Variants in ANKRD10 observed in about 807,000 individuals in gnomAD.
The protein encoded by ANKRD10 is ankyrin repeat domain 10.
A neutral mutation model predicts 27.0 loss-of-function variants in ANKRD10; 14 were observed. The ratio of observed to expected loss-of-function variants is 0.52; its 90% CI spans 0.34 to 0.81. The LOEUF is 0.81. Among genes scored for constraint, ANKRD10 ranks in the 40% least tolerant of loss-of-function variants. The pLI is 0.01. For missense variants in ANKRD10, 493 were observed against 544.0 expected, an observed-to-expected ratio of 0.91 and a Z score of 0.93; for synonymous variants, 250 against 224.5, an observed-to-expected ratio of 1.11 and a Z score of -1.01.
chr13:110,887,083 T>C (rs1388549385), intron 4 of ANKRD10, among the ~76,000 whole-genome samples: 5 of 152,124 alleles, frequency 3.3e-5, no homozygotes, highest in Non-Finnish European at 7.4e-5. Flanking sequence ...AAGTGAGAAC[T>C]AGAGCCAGTA....
intron 5 of ANKRD10, among the ~76,000 whole-genome samples, chr13:110,881,372 G>C (rs1566444400): frequency 6.6e-6 from 1 of 152,226 alleles, no homozygotes; most frequent in Non-Finnish European, 1.5e-5. Context: ...CTCTGACAGA[G>C]GCTTCTGATA....
At chr13:110,906,252 C>T (rs536386709) in intron 2 of ANKRD10, 128 bp from the exon 3 acceptor site, 1 of 711,512 alleles carries the variant, frequency 1.4e-6, no homozygotes, top group Non-Finnish European at 2.3e-6. Context: ...TGAGCAAGAT[C>T]TGAAGCAGAA....
chr13:110,908,771 T>C (rs1398047785), intron 2 of ANKRD10, among the ~76,000 whole-genome samples: 1 of 152,168 alleles, frequency 6.6e-6, no homozygotes, highest in Admixed American at 6.5e-5. Context: ...TAGAGTGAGA[T>C]GATGCCTCAG....
At position 110,886,479 on chromosome 13, in the gene ANKRD10, C is replaced by T. The variant is rs1366034200; in HGVS notation, c.692-2686G>A. On this transcript the variant is annotated intron_variant, in intron 4 of 5. Coordinates refer to ENST00000267339, the MANE Select transcript of ANKRD10 (RefSeq NM_017664.4). ...GTTCCCACAACCAGCTGTCACAGAG[C>T]CTTGGATAATGCTGTTTCACGAGTG... Among the ~76,000 whole-genome samples the T allele has an allele frequency of 2.6e-5, 4 of 152,324 alleles. No individual in the cohort carries two copies. In the East Asian group the frequency reaches 7.7e-4, roughly 29 times the overall value.
At chr13:110,914,391 C>T (rs995823820) in intron 1 of ANKRD10, 4 of 190,398 alleles carry the variant, frequency 2.1e-5, no homozygotes, top group African/African-American at 4.7e-5. Context: ...CGCGCGCGCG[C>T]TCGCACAGGA....
At chr13:110,901,806 CAAGGTGG>C (rs775596396) in intron 3 of ANKRD10, among the ~76,000 whole-genome samples, 3 of 152,086 alleles carry the variant, frequency 2.0e-5, no homozygotes, top group Non-Finnish European at 4.4e-5. Flanking sequence ...TCTGGGAGGC[CAAGGTGG>C]AAGGACTGCT....
At chr13:110,911,394 G>C (rs1245505701) in intron 1 of ANKRD10, among the ~76,000 whole-genome samples, 1 of 152,086 alleles carries the variant, frequency 6.6e-6, no homozygotes, top group Non-Finnish European at 1.5e-5. Flanking sequence ...GGAGGTTGCA[G>C]AGGGCTGAGA....
At chr13:110,910,314 G>A (rs2065658419) in intron 2 of ANKRD10, among the ~76,000 whole-genome samples, 1 of 152,212 alleles carries the variant, frequency 6.6e-6, no homozygotes, top group African/African-American at 2.4e-5. Context: ...AGGCAGCTAT[G>A]AGTAGAAAGC....
Position 110,910,735 on chromosome 13 carries a change from G to C in ANKRD10, c.246C>G (p.Ala82=). The C allele has an allele frequency of 6.2e-7, 1 of 1,614,150 alleles. No individual in the cohort carries two copies. Among genetic ancestry groups the C allele is most frequent in the Non-Finnish European group, 8.5e-7 (1 of 1,180,028 alleles). ...ECLVQLVRAG[A]TLNVSTTRYA... ...ACCGTGTGGTGGAGACGTTGAGTGT[G>C]GCTCCCGCTCTCACCAACTGCACTA... The change falls in exon 2 of 6, where the codon GCC becomes GCG. Residue 82 remains alanine, a synonymous_variant. Transcript: ENST00000267339.
At chr13:110,904,563 A>G (rs939893292) in intron 3 of ANKRD10, among the ~76,000 whole-genome samples, 3 of 152,238 alleles carry the variant, frequency 2.0e-5, no homozygotes, top group African/African-American at 7.2e-5. Flanking sequence ...ATAAATGACA[A>G]GCAATTTAAT....
At chr13:110,892,658 C>T (rs76181969) in intron 4 of ANKRD10, 45,809 of 859,784 alleles carry the variant, frequency 0.053, 1,303 homozygotes, top group Non-Finnish European at 0.059. Flanking sequence ...AGCCCAGGAA[C>T]ATTTACAAGA....
chr13:110,910,376 G>C (rs1055893357), intron 2 of ANKRD10, among the ~76,000 whole-genome samples: 3 of 152,094 alleles, frequency 2.0e-5, no homozygotes, highest in Non-Finnish European at 4.4e-5. Flanking sequence ...CTATAACCTT[G>C]GGCACATCAC....
Position 110,914,961 on chromosome 13 carries a change from C to T in ANKRD10, c.-27G>A, listed in dbSNP as rs1594661917. Reference sequence around the variant, plus strand: ...GTCCGTCACCGGAGAGCGCGGGGCTCGCTGGCCTAGAGGACGCGTCGGGGA... The same window carrying T: ...GTCCGTCACCGGAGAGCGCGGGGCTTGCTGGCCTAGAGGACGCGTCGGGGA... On this transcript the variant is annotated 5_prime_UTR_variant, in exon 1 of 6. Transcript: ENST00000267339. 3.3e-6 allele frequency: 5 copies of T among 1,523,766 alleles called. No homozygotes were observed. In the East Asian group the frequency reaches 7.4e-5, roughly 22 times the overall value. The allele number at this position is 1,523,766 out of a possible 1,614,324, so 94.4% of individuals were successfully genotyped here. A position where few individuals can be genotyped will look rare whatever the true frequency, so the allele number is the denominator to read the frequency against.
intron 4 of ANKRD10, among the ~76,000 whole-genome samples, chr13:110,890,984 G>A (rs1476299102): frequency 6.6e-6 from 1 of 152,098 alleles, no homozygotes; most frequent in East Asian, 1.9e-4. Context: ...ATTAAGCAAT[G>A]TGGTATTGGC....
chr13:110,892,798 C>G (rs975298114), intron 4 of ANKRD10: 1 of 1,269,744 alleles, frequency 7.9e-7, no homozygotes, highest in Non-Finnish European at 9.9e-7. Flanking sequence ...AAAAGTTCCA[C>G]ATAGACATTT....
chr13:110,885,157 T>TA (rs1243654614), intron 4 of ANKRD10, among the ~76,000 whole-genome samples: 2 of 151,972 alleles, frequency 1.3e-5, no homozygotes, highest in Non-Finnish European at 2.9e-5. Context: ...TTCAAAGCTT[T>TA]AAAAAATCTT....
At chr13:110,893,431 T>G (rs1422466664) in intron 3 of ANKRD10, among the ~76,000 whole-genome samples, 168 bp from the exon 4 acceptor site, 1 of 152,264 alleles carries the variant, frequency 6.6e-6, no homozygotes, top group African/African-American at 2.4e-5. Context: ...CTAACTTCTC[T>G]TATATACATT....
In ANKRD10 at chr13:110,893,119, A is replaced by C. The variant is rs748737611; in HGVS notation, c.600T>G (p.Asn200Lys). The change falls in exon 4 of 6, where the codon AAT (asparagine) becomes AAG (lysine). Residue 200 changes from asparagine to lysine, a missense_variant. Transcript: ENST00000267339. The stretch of plus-strand genomic sequence containing the variant: ...CCACACTAATATGATTAGGAAATAC[A>C]TTCTGATGACCCCCATTTAAGATGC... ...NNGILNGGHQ[N>K]VFPNHISVGT... The C allele has an allele frequency of 1.2e-6, 2 of 1,614,114 alleles. No individual in the cohort carries two copies. Among genetic ancestry groups the C allele is most frequent in the African/African-American group, 1.3e-5 (1 of 74,938 alleles).
intron 4 of ANKRD10, among the ~76,000 whole-genome samples, chr13:110,888,593 T>A (rs970364863): frequency 1.3e-5 from 2 of 152,108 alleles, no homozygotes; most frequent in Non-Finnish European, 2.9e-5. Flanking sequence ...TCCTCTCAAG[T>A]TTCAAGCAAT....
Sources: allele counts gnomAD v4.1 joint callset (sites outside exome capture counted in the v4.1 genomes callset), GRCh38; gene constraint gnomAD v4.1.1; transcripts MANE v1.5; gene names NCBI Gene and HGNC (gene_info 2026-07-23, HGNC 2026-07-21).